The following CEP89 variants were observed in gnomAD, a reference collection of about 807,000 sequenced individuals.
CEP89 encodes the protein centrosomal protein of 89 kDa.
CEP89 carries 95 observed loss-of-function variants against 97.6 expected under a neutral mutation model. That is an observed-to-expected ratio of 0.97 (90% CI 0.82 to 1.15). The LOEUF (loss-of-function observed/expected upper bound fraction) is 1.15. Ranked by LOEUF, CEP89 falls within the 50% of genes most tolerant of loss-of-function variation. CEP89 has a pLI of 0.00. For missense variants in CEP89, 869 were observed against 947.7 expected (o/e 0.92, Z 1.09); for synonymous variants, 354 against 349.1 (o/e 1.01, Z -0.16).
chr19:32,941,456 C>G (rs1283490419), intron 5 of CEP89, among the ~76,000 whole-genome samples: 2 of 152,022 alleles, frequency 1.3e-5, no homozygotes, highest in Non-Finnish European at 2.9e-5. Context: ...TGAGCCAAGA[C>G]TGTAACATGA....
chr19:32,882,283 T>C lies in CEP89; in HGVS notation c.1966-270A>G, dbSNP rs986948748. Among the ~76,000 whole-genome samples, 5 of 152,266 alleles carry C rather than the reference T, an allele frequency of 3.3e-5. No homozygotes were observed. In the South Asian group the frequency reaches 1.0e-3, roughly 32 times the overall value. ...TAAATGAAAACATAAAATATCACCATTGGAAACAGCAGTTCATGCTTCTAA... is the reference window on the plus strand; with the variant it reads ...TAAATGAAAACATAAAATATCACCACTGGAAACAGCAGTTCATGCTTCTAA... On this transcript the variant is annotated intron_variant, in intron 17 of 18. Coordinates refer to ENST00000305768, the MANE Select transcript of CEP89 (RefSeq NM_032816.5).
chr19:32,924,032 G>T (rs1202100326), intron 11 of CEP89, among the ~76,000 whole-genome samples: 2 of 148,420 alleles, frequency 1.3e-5, no homozygotes, highest in Non-Finnish European at 3.0e-5. Context: ...TTGAGACAGG[G>T]TCTCGCTCTG....
At chr19:32,965,743 C>T (rs972585341) in intron 2 of CEP89, among the ~76,000 whole-genome samples, 4 of 149,760 alleles carry the variant, frequency 2.7e-5, no homozygotes, top group East Asian at 2.0e-4. Flanking sequence ...GGGCTGGGTG[C>T]GGAGGTTGAT....
At chr19:32,958,017 C>CG (rs1568581260) in intron 3 of CEP89, among the ~76,000 whole-genome samples, 6 of 149,334 alleles carry the variant, frequency 4.0e-5, no homozygotes, top group African/African-American at 7.5e-5. Flanking sequence ...AAAAAATCCC[C>CG]CCCCCGCCAA....
rs1006577436 is a variant in CEP89 at position 32,950,120 on chromosome 19, G to A, written c.493-1752C>T. Among the ~76,000 whole-genome samples the A allele has an allele frequency of 2.6e-5, 4 of 151,794 alleles. No homozygotes were observed. In the South Asian group the frequency reaches 6.2e-4, roughly 24 times the overall value. On this transcript the variant is annotated intron_variant, in intron 4 of 18. Coordinates refer to ENST00000305768, the MANE Select transcript of CEP89 (RefSeq NM_032816.5). ...TCCTCCCACCTCCACCTCCCAAAGT[G>A]GTGGGATTATAGGTGTGAGCCACCA...
Position 32,901,353 on chromosome 19 carries a change from A to G in CEP89, c.1625T>C (p.Leu542Pro), listed in dbSNP as rs766600825. 1.2e-6 allele frequency: 2 copies of G among 1,614,102 alleles called. No individual in the cohort carries two copies. The highest frequency in any genetic ancestry group is 1.7e-6 in the Non-Finnish European group (2 of 1,180,022). The change falls in exon 15 of 19, where the codon CTG (leucine) becomes CCG (proline). Residue 542 changes from leucine to proline, a missense_variant. Physicochemically the swap from Leu to Pro is moderately conservative, Grantham distance 98. Coordinates refer to ENST00000305768, the MANE Select transcript of CEP89 (RefSeq NM_032816.5). Reference sequence around the variant, plus strand: ...CTTCTTCTGCGCTTGCAGGACTGTCAGCTTCTCCATCAACTCCTCCATCTC... The same window carrying G: ...CTTCTTCTGCGCTTGCAGGACTGTCGGCTTCTCCATCAACTCCTCCATCTC... ...RAEMEELMEK[L>P]TVLQAQKKSL...
chr19:32,942,669 A>C (rs1970711375), intron 5 of CEP89, among the ~76,000 whole-genome samples: 1 of 152,146 alleles, frequency 6.6e-6, no homozygotes, highest in Non-Finnish European at 1.5e-5. Flanking sequence ...TGGTTCTGTG[A>C]ATCTACTTTG....
intron 17 of CEP89, among the ~76,000 whole-genome samples, chr19:32,884,725 C>T (rs566934955): frequency 5.5e-4 from 83 of 152,034 alleles, no homozygotes; most frequent in Middle Eastern, 3.4e-3. Flanking sequence ...CTATCAAGCC[C>T]GGCTAATTTT....
rs778868993 is a variant in CEP89, at chr19:32,915,374, C to T, written c.1528G>A (p.Val510Met). Residue 510 changes from valine to methionine, a missense_variant, in exon 14 of 19, where the codon GTG (valine) becomes ATG (methionine). Transcript: ENST00000305768. ...TTCACAATTGATTTATGAACTTCCA[C>T]TGCGATTTTGCCATCCGAGTGTGTT... ...LKTHSDGKIA[V>M]EVHKSIVNEL... 1.2e-5 allele frequency: 19 copies of T among 1,610,638 alleles called. No homozygotes were observed. In the Middle Eastern group the frequency reaches 6.6e-4, roughly 56 times the overall value.
At chr19:32,886,917 G>A (rs1969409543) in intron 17 of CEP89, among the ~76,000 whole-genome samples, 1 of 145,402 alleles carries the variant, frequency 6.9e-6, no homozygotes, top group Admixed American at 7.0e-5. Flanking sequence ...GCTCATGTCT[G>A]TAATCCCAGC....
intron 4 of CEP89, among the ~76,000 whole-genome samples, chr19:32,952,724 A>T (rs1357676068): frequency 2.0e-5 from 3 of 151,498 alleles, no homozygotes; most frequent in Admixed American, 1.3e-4. Context: ...GGCAACATGG[A>T]GAAACCCTGT....
At chr19:32,887,567 A>G (rs1433204197) in intron 17 of CEP89, among the ~76,000 whole-genome samples, 185 bp downstream of exon 17, 1 of 152,128 alleles carries the variant, frequency 6.6e-6, no homozygotes, top group African/African-American at 2.4e-5. Context: ...TGTGTGAATG[A>G]ACCAAAGTTT....
At chr19:32,895,990 T>A (rs1018688844) in intron 16 of CEP89, among the ~76,000 whole-genome samples, 1 of 152,128 alleles carries the variant, frequency 6.6e-6, no homozygotes, top group Admixed American at 6.6e-5. Context: ...TGGAAAGACA[T>A]CCCATGATCA....
chr19:32,903,826 C>T (rs1568552129), intron 14 of CEP89, among the ~76,000 whole-genome samples: 1 of 152,170 alleles, frequency 6.6e-6, no homozygotes, highest in Non-Finnish European at 1.5e-5. Flanking sequence ...AAAATACACA[C>T]TGATAGCCCC....
At chr19:32,907,089 G>A (rs1488740802) in intron 14 of CEP89, among the ~76,000 whole-genome samples, 1 of 152,188 alleles carries the variant, frequency 6.6e-6, no homozygotes, top group African/African-American at 2.4e-5. Context: ...GCCAGGCATG[G>A]TGGCTCATGA....
chr19:32,888,211 T>C (rs1455568571), intron 16 of CEP89, among the ~76,000 whole-genome samples: 3 of 152,182 alleles, frequency 2.0e-5, no homozygotes, highest in Non-Finnish European at 2.9e-5. Flanking sequence ...CTTGACTCAT[T>C]TGAACAATTT....
At chr19:32,958,124 C>T (rs1428597589) in intron 3 of CEP89, among the ~76,000 whole-genome samples, 3 of 149,340 alleles carry the variant, frequency 2.0e-5, no homozygotes, top group Admixed American at 6.7e-5. Context: ...AATTTTAGAA[C>T]GATTTACTCG....
intron 3 of CEP89, among the ~76,000 whole-genome samples, chr19:32,956,693 T>TTTCTACTAAA (rs1218054842): frequency 1.3e-5 from 2 of 152,164 alleles, no homozygotes; most frequent in Non-Finnish European, 2.9e-5. Flanking sequence ...ATTACTAAAA[T>TTTCTACTAAA]TAATCTACTA....
chr19:32,908,339 G>A (rs1969930628), intron 14 of CEP89, among the ~76,000 whole-genome samples: 1 of 152,220 alleles, frequency 6.6e-6, no homozygotes, highest in African/African-American at 2.4e-5. Context: ...AGAATGAACT[G>A]GCTGGGGAGG....
Sources: allele counts gnomAD v4.1 joint callset (sites outside exome capture counted in the v4.1 genomes callset), GRCh38; gene constraint gnomAD v4.1.1; transcripts MANE v1.5; gene names NCBI Gene and HGNC (gene_info 2026-07-23, HGNC 2026-07-21).